The following RAB7A variants were observed in gnomAD, a reference collection of about 807,000 sequenced individuals.
RAB7A encodes RAB7A, member RAS oncogene family.
A neutral mutation model predicts 24.5 loss-of-function variants in RAB7A; 2 were observed. The observed-to-expected ratio is 0.08, with a 90% CI of 0.03 to 0.26. The LOEUF is 0.26. RAB7A is among the 10% of genes least tolerant of loss of function. The pLI, the probability that RAB7A is intolerant of heterozygous loss-of-function variation, is 1.00. For synonymous variants in RAB7A, 100 were observed against 95.9 expected (o/e 1.04, Z -0.25); for missense variants, 118 against 255.7 (o/e 0.46, Z 3.67).
chr3:128,763,745 C>T (rs765589000), intron 1 of RAB7A, among the ~76,000 whole-genome samples: 15 of 152,006 alleles, frequency 9.9e-5, no homozygotes, highest in Non-Finnish European at 2.1e-4. Context: ...ATCCACCTTT[C>T]ACCTATGGTA....
At chr3:128,794,514 G>A (rs1040001248) in intron 1 of RAB7A, among the ~76,000 whole-genome samples, 2 of 152,208 alleles carry the variant, frequency 1.3e-5, no homozygotes, top group African/African-American at 2.4e-5. Context: ...CCTTCAAAAG[G>A]TAGGTGGTTA....
intron 2 of RAB7A, among the ~76,000 whole-genome samples, chr3:128,796,907 A>T (rs936796544): frequency 2.0e-5 from 3 of 151,630 alleles, no homozygotes; most frequent in Non-Finnish European, 4.4e-5. Context: ...CAAGCAGTCC[A>T]CTCGTCTCGA....
chr3:128,793,268 G>A (rs7652134), intron 1 of RAB7A, among the ~76,000 whole-genome samples: 42,087 of 150,126 alleles, frequency 0.28, 7,513 homozygotes, highest in African/African-American at 0.51. Context: ...TGATCCGCCC[G>A]CCTTGGCCTC....
rs2070377391 is a variant in RAB7A at position 128,726,316 on chromosome 3, C to T, written c.-52C>T. 6.6e-6 allele frequency: 1 copy of T among 152,498 alleles called. No individual in the cohort carries two copies. The highest frequency in any genetic ancestry group is 2.4e-5 in the African/African-American group (1 of 41,446). 9.4% of individuals were successfully genotyped at this position (152,498 alleles called of 1,614,324 possible). A position where few individuals can be genotyped will look rare whatever the true frequency, so the allele number is the denominator to read the frequency against. On this transcript the variant is annotated 5_prime_UTR_variant, in exon 1 of 6. Coordinates refer to ENST00000265062, the MANE Select transcript of RAB7A (RefSeq NM_004637.6). Reference sequence around the variant, plus strand: ...GTTTAGTCTCCTCCTCGGCGGGAGCCCTCGCGACGCGCCCGGCCCGGAGCC... The same window carrying T: ...GTTTAGTCTCCTCCTCGGCGGGAGCTCTCGCGACGCGCCCGGCCCGGAGCC...
At chr3:128,729,033 A>G (rs1483428594) in intron 1 of RAB7A, among the ~76,000 whole-genome samples, 1 of 152,240 alleles carries the variant, frequency 6.6e-6, no homozygotes, top group Non-Finnish European at 1.5e-5. Flanking sequence ...GTAGAACTGC[A>G]TAAGTAAACA....
intron 1 of RAB7A, among the ~76,000 whole-genome samples, chr3:128,787,548 G>T (rs572193131): frequency 1.3e-5 from 2 of 152,324 alleles, no homozygotes; most frequent in Admixed American, 6.5e-5. Context: ...CTTCGTTGCT[G>T]TCTGACTGTG....
chr3:128,807,424 T>C, intron 4 of RAB7A, 119 bp from the exon 5 acceptor site: 1 of 1,463,430 alleles, frequency 6.8e-7, no homozygotes, highest in Non-Finnish European at 9.5e-7. Context: ...TCTTTCCCCA[T>C]GTCTGTGTCC....
chr3:128,781,889 T>C (rs1440073602), intron 1 of RAB7A, among the ~76,000 whole-genome samples: 2 of 152,184 alleles, frequency 1.3e-5, no homozygotes, highest in African/African-American at 4.8e-5. Flanking sequence ...GGCACGTGCC[T>C]GTAATCCCAG....
chr3:128,791,871 C>T (rs1388148922), intron 1 of RAB7A, among the ~76,000 whole-genome samples: 4 of 152,166 alleles, frequency 2.6e-5, no homozygotes, highest in Admixed American at 6.5e-5. Flanking sequence ...CTGCTGATGA[C>T]CTGCCACTGC....
chr3:128,800,075 G>A (rs1374276714), intron 3 of RAB7A, among the ~76,000 whole-genome samples: 1 of 152,182 alleles, frequency 6.6e-6, no homozygotes, highest in Non-Finnish European at 1.5e-5. Context: ...CAGTTAAACT[G>A]TAGATTAAAT....
intron 1 of RAB7A, among the ~76,000 whole-genome samples, chr3:128,789,579 C>T (rs1173530973): frequency 6.6e-6 from 1 of 151,998 alleles, no homozygotes; most frequent in Non-Finnish European, 1.5e-5. Flanking sequence ...GTGATCTGCC[C>T]GCCTCAGCCT....
At chr3:128,737,876 G>C (rs373099395) in intron 1 of RAB7A, among the ~76,000 whole-genome samples, 1 of 114,626 alleles carries the variant, frequency 8.7e-6, no homozygotes, top group Admixed American at 1.2e-4. Context: ...GAGTTTCACC[G>C]TGTTGCCTAG....
chr3:128,771,765 C>T (rs2107601048), intron 1 of RAB7A, among the ~76,000 whole-genome samples: 1 of 152,324 alleles, frequency 6.6e-6, no homozygotes, highest in East Asian at 1.9e-4. Flanking sequence ...GTCTGGGAGT[C>T]TCTTCGTTCT....
intron 5 of RAB7A, among the ~76,000 whole-genome samples, chr3:128,807,914 A>G (rs1476750029): frequency 6.6e-6 from 1 of 152,216 alleles, no homozygotes; most frequent in East Asian, 1.9e-4. Flanking sequence ...TTCTTTTACT[A>G]GGCTTGTTCT....
At chr3:128,752,556 C>T (rs1010986132) in intron 1 of RAB7A, among the ~76,000 whole-genome samples, 2 of 152,020 alleles carry the variant, frequency 1.3e-5, no homozygotes, top group African/African-American at 4.8e-5. Context: ...TTTGTCAGGT[C>T]ACCAAAAATC....
At chr3:128,747,210 T>C (rs1042452871) in intron 1 of RAB7A, among the ~76,000 whole-genome samples, 7 of 151,608 alleles carry the variant, frequency 4.6e-5, no homozygotes, top group African/African-American at 1.5e-4. Flanking sequence ...GAGTATTGCT[T>C]GAGCCCAGAA....
intron 1 of RAB7A, among the ~76,000 whole-genome samples, chr3:128,772,277 A>G (rs1932969952): frequency 6.6e-6 from 1 of 152,244 alleles, no homozygotes; most frequent in Non-Finnish European, 1.5e-5. Context: ...GTGAAAGGCT[A>G]GAATCATATA....
intron 1 of RAB7A, among the ~76,000 whole-genome samples, chr3:128,746,586 T>G (rs576782272): frequency 1.4e-3 from 210 of 152,160 alleles, no homozygotes; most frequent in Non-Finnish European, 2.7e-3. Context: ...TGGAGTGCAG[T>G]GGCGCAATCT....
chr3:128,755,369 G>A (rs1352913933), intron 1 of RAB7A, among the ~76,000 whole-genome samples: 2 of 151,800 alleles, frequency 1.3e-5, no homozygotes, highest in Non-Finnish European at 2.9e-5. Flanking sequence ...TGTTAAAGGA[G>A]GAAATTTACA....
Sources: gnomAD v4.1 joint callset for allele counts (sites outside exome capture counted in the v4.1 genomes callset) on GRCh38, gnomAD v4.1.1 for gene constraint, MANE v1.5 for transcripts, NCBI Gene and HGNC (gene_info 2026-07-23, HGNC 2026-07-21) for gene names.